SV2C: variants seen among roughly 807,000 people sequenced by gnomAD.
The protein encoded by SV2C is synaptic vesicle glycoprotein 2C, also known as solute carrier family 22 member B3.
Under a neutral mutation model 79.7 loss-of-function variants are expected in SV2C, and 49 were observed. The ratio of observed to expected loss-of-function variants is 0.61; its 90% CI spans 0.49 to 0.78. SV2C has a LOEUF of 0.78. Ranked by LOEUF, SV2C falls within the 30% of genes least tolerant of loss-of-function variation. SV2C has a pLI of 0.00. For synonymous variants in SV2C, 334 were observed against 333.2 expected (o/e 1.00, Z -0.03); for missense variants, 833 against 912.9 (o/e 0.91, Z 1.13).
intron 5 of SV2C, 79 bp from the exon 6 acceptor site, chr5:76,285,702 A>G: frequency 8.4e-7 from 1 of 1,187,104 alleles, no homozygotes; most frequent in Non-Finnish European, 1.2e-6. Context: ...TTGATCTGAC[A>G]ATGCAAGACG....
At chr5:76,038,368 G>A in the SV2C span, among the ~76,000 whole-genome samples, 1 of 152,230 alleles carries the variant, frequency 6.6e-6, no homozygotes, top group Non-Finnish European at 1.5e-5. Context: ...AGTGGGAATA[G>A]TATGGGTTTT....
intron 2 of SV2C, among the ~76,000 whole-genome samples, chr5:76,133,162 C>T (rs906369641): frequency 1.4e-4 from 21 of 152,160 alleles, no homozygotes; most frequent in Non-Finnish European, 2.1e-4. Context: ...ACTCTCCCCT[C>T]AGCAGTTTAA....
At chr5:76,251,583 C>G (rs1338170277) in intron 4 of SV2C, among the ~76,000 whole-genome samples, 3 of 152,146 alleles carry the variant, frequency 2.0e-5, no homozygotes, top group East Asian at 3.9e-4. Context: ...CACACACACA[C>G]AGAGGTTGCC....
the SV2C span, among the ~76,000 whole-genome samples, chr5:76,037,301 T>C: frequency 1.3e-5 from 2 of 152,256 alleles, no homozygotes; most frequent in Non-Finnish European, 2.9e-5. Context: ...ACTTCGTTCC[T>C]TTGGAGGAGG....
At chr5:75,930,146 A>G in the SV2C span, among the ~76,000 whole-genome samples, 505 of 151,412 alleles carry the variant, frequency 3.3e-3, 13 homozygotes, top group East Asian at 0.04. Context: ...TAACCCTTAA[A>G]TTTTCTTCCC....
At chr5:76,051,428 T>G in the SV2C span, among the ~76,000 whole-genome samples, 6 of 152,286 alleles carry the variant, frequency 3.9e-5, no homozygotes, top group Middle Eastern at 3.4e-3. Context: ...GTAAATCTAT[T>G]GTAAGTGTTC....
downstream of SV2C, among the ~76,000 whole-genome samples, chr5:76,338,536 AC>A (rs1478196754): frequency 6.6e-6 from 1 of 151,680 alleles, no homozygotes; most frequent in Admixed American, 6.6e-5. Context: ...GACATATCCC[AC>A]CCCCACTGCA....
At chr5:76,223,434 T>A (rs1164930897) in intron 4 of SV2C, among the ~76,000 whole-genome samples, 1 of 69,644 alleles carries the variant, frequency 1.4e-5, no homozygotes, top group Non-Finnish European at 2.8e-5. Flanking sequence ...TCTCTTTATA[T>A]ACATACATAC....
chr5:75,974,636 C>T, the SV2C span, among the ~76,000 whole-genome samples: 1 of 152,086 alleles, frequency 6.6e-6, no homozygotes, highest in East Asian at 1.9e-4. Context: ...GGTCTCACGC[C>T]TCCTATAACA....
chr5:76,152,968 C>G (rs1742595066), intron 2 of SV2C, among the ~76,000 whole-genome samples: 1 of 152,210 alleles, frequency 6.6e-6, no homozygotes, highest in African/African-American at 2.4e-5. Flanking sequence ...ATTATTTCCT[C>G]CTTAAAGAGA....
At chr5:76,057,242 T>C in the SV2C span, among the ~76,000 whole-genome samples, 1 of 152,138 alleles carries the variant, frequency 6.6e-6, no homozygotes, top group Non-Finnish European at 1.5e-5. Flanking sequence ...TTTGTTTTTT[T>C]TTATACTTTA....
At chr5:76,115,954 C>T (rs1748250010) in intron 1 of SV2C, among the ~76,000 whole-genome samples, 1 of 152,216 alleles carries the variant, frequency 6.6e-6, no homozygotes, top group Admixed American at 6.5e-5. Context: ...CAGGAAAGCT[C>T]TGAGCCTCTG....
the SV2C span, among the ~76,000 whole-genome samples, chr5:75,880,740 C>T: frequency 1.3e-5 from 2 of 152,182 alleles, no homozygotes; most frequent in Admixed American, 6.5e-5. Flanking sequence ...CCAACCTGTG[C>T]CTGTTATTCA....
the SV2C span, among the ~76,000 whole-genome samples, chr5:75,961,935 C>T: frequency 2.6e-5 from 4 of 152,004 alleles, no homozygotes; most frequent in Admixed American, 2.0e-4. Context: ...ATATAGTGTT[C>T]ATGCTATCTG....
chr5:76,334,957 G>C (rs2112580354), downstream of SV2C, among the ~76,000 whole-genome samples: 1 of 152,346 alleles, frequency 6.6e-6, no homozygotes, highest in East Asian at 1.9e-4. Flanking sequence ...GCAAGCAACA[G>C]TGGGCTGTGT....
chr5:76,177,299 AGT>A (rs1190388553), intron 2 of SV2C, among the ~76,000 whole-genome samples: 1 of 151,038 alleles, frequency 6.6e-6, no homozygotes, highest in Non-Finnish European at 1.5e-5. Flanking sequence ...TATTTTCAGC[AGT>A]GTTTTGGGAA....
the SV2C span, among the ~76,000 whole-genome samples, chr5:75,878,969 C>T: frequency 6.6e-6 from 1 of 152,152 alleles, no homozygotes. Flanking sequence ...GAAGGAGGAG[C>T]AGGCAGCATC....
the SV2C span, among the ~76,000 whole-genome samples, chr5:75,869,500 C>T: frequency 6.6e-6 from 1 of 152,102 alleles, no homozygotes. Context: ...AAATAGAACA[C>T]CAGGTAGACC....
intron 1 of SV2C, among the ~76,000 whole-genome samples, chr5:76,100,458 A>G (rs963030954): frequency 6.6e-6 from 1 of 152,244 alleles, no homozygotes; most frequent in African/African-American, 2.4e-5. Context: ...TTTAAAGGGC[A>G]TATGCCAAAA....
Sources: allele counts gnomAD v4.1 joint callset (sites outside exome capture counted in the v4.1 genomes callset), GRCh38; gene constraint gnomAD v4.1.1; transcripts MANE v1.5; gene names NCBI Gene and HGNC (gene_info 2026-07-23, HGNC 2026-07-21).